The following LRRC37A2 variants were observed in gnomAD, a reference collection of about 807,000 sequenced individuals.
LRRC37A2 encodes the protein leucine-rich repeat-containing protein 37A2.
LRRC37A2 carries 9 observed loss-of-function variants against 68.8 expected under a neutral mutation model. The observed-to-expected ratio is 0.13, with a 90% confidence interval of 0.08 to 0.23. LRRC37A2 has a LOEUF of 0.23. Among genes scored for constraint, LRRC37A2 ranks in the 10% least tolerant of loss-of-function variants. The probability of loss-of-function intolerance (pLI) is 1.00; values close to 1 mark genes in which losing one functional copy is unlikely to be tolerated. For synonymous variants in LRRC37A2, 63 were observed against 367.6 expected (o/e 0.17, Z 9.48); for missense variants, 168 against 950.4 (o/e 0.18, Z 10.82).
At chr17:46,978,937 G>A in the LRRC37A2 span, 6 of 1,455,764 alleles carry the variant, frequency 4.1e-6, no homozygotes, top group Non-Finnish European at 5.4e-6. Context: ...GTTTCCCAGG[G>A]CGGCCCCGGC....
chr17:46,831,662 G>A, the LRRC37A2 span: 1 of 152,248 alleles, frequency 6.6e-6, no homozygotes, highest in East Asian at 1.9e-4. Flanking sequence ...AAGGTGCGTG[G>A]GCCTCAGGGA....
the LRRC37A2 span, among the ~76,000 whole-genome samples, chr17:46,823,042 AT>A: frequency 7.0e-6 from 1 of 141,914 alleles, no homozygotes; most frequent in African/African-American, 2.6e-5. Flanking sequence ...ATAAATATGT[AT>A]TTATAATAAA....
the LRRC37A2 span, among the ~76,000 whole-genome samples, chr17:46,649,493 A>C: frequency 6.6e-6 from 1 of 151,970 alleles, no homozygotes; most frequent in Non-Finnish European, 1.5e-5. Flanking sequence ...TTCAAAAACC[A>C]TTCTCTTGAG....
At chr17:46,502,630 A>G in the LRRC37A2 span, among the ~76,000 whole-genome samples, 2 of 151,448 alleles carry the variant, frequency 1.3e-5, no homozygotes, top group African/African-American at 4.9e-5. Context: ...TTTAGCACAT[A>G]CACCTAGTTG....
chr17:46,730,061 TTAAG>T, the LRRC37A2 span, among the ~76,000 whole-genome samples: 2 of 152,106 alleles, frequency 1.3e-5, no homozygotes, highest in African/African-American at 4.8e-5. Context: ...CAATATTTTC[TTAAG>T]TAAGTAAACG....
chr17:46,873,798 T>C, the LRRC37A2 span, among the ~76,000 whole-genome samples: 1 of 150,932 alleles, frequency 6.6e-6, no homozygotes, highest in Non-Finnish European at 1.5e-5. Context: ...GTAACCAGCG[T>C]GGTCAAAATG....
the LRRC37A2 span, among the ~76,000 whole-genome samples, chr17:46,725,177 A>G: frequency 6.6e-6 from 1 of 152,344 alleles, no homozygotes; most frequent in East Asian, 1.9e-4. Context: ...CAAGTGATTT[A>G]TGGCAAGATG....
chr17:46,725,877 G>A, the LRRC37A2 span, among the ~76,000 whole-genome samples: 1 of 152,146 alleles, frequency 6.6e-6, no homozygotes, highest in African/African-American at 2.4e-5. Context: ...AAGGCCTTGA[G>A]TACTTCTATT....
chr17:46,934,035 G>A, the LRRC37A2 span, among the ~76,000 whole-genome samples: 4 of 152,226 alleles, frequency 2.6e-5, 1 homozygote. Context: ...CACAGCTGGC[G>A]AGGACTTGGC....
At chr17:46,749,678 A>C in the LRRC37A2 span, 2,007 of 1,187,178 alleles carry the variant, frequency 1.7e-3, 21 homozygotes, top group African/African-American at 0.022. Context: ...CGGCAAGATT[A>C]AATAAAAGTC....
chr17:46,934,911 ATTCT>A, the LRRC37A2 span: 1 of 901,912 alleles, frequency 1.1e-6, no homozygotes, highest in Non-Finnish European at 1.9e-6. Flanking sequence ...GGGTCCGCTG[ATTCT>A]TTCACCAGCC....
chr17:46,815,367 G>T, the LRRC37A2 span, among the ~76,000 whole-genome samples: 3 of 152,322 alleles, frequency 2.0e-5, no homozygotes, highest in Non-Finnish European at 1.5e-5. Flanking sequence ...CTTCTGTCAG[G>T]ACTGGGGTCT....
chr17:47,036,115 G>T, the LRRC37A2 span, among the ~76,000 whole-genome samples: 6 of 151,906 alleles, frequency 3.9e-5, no homozygotes, highest in African/African-American at 1.5e-4. Flanking sequence ...TGTGAGTTCT[G>T]TGACTTTCTT....
chr17:46,995,176 AG>A, the LRRC37A2 span, among the ~76,000 whole-genome samples: 1 of 152,158 alleles, frequency 6.6e-6, no homozygotes, highest in African/African-American at 2.4e-5. Flanking sequence ...TCAGACAGCC[AG>A]GCTAAGCTGG....
the LRRC37A2 span, among the ~76,000 whole-genome samples, chr17:46,861,916 C>T: frequency 3.3e-5 from 5 of 152,258 alleles, no homozygotes; most frequent in African/African-American, 9.6e-5. Flanking sequence ...GTAATCCCAG[C>T]ACTTTGGGAG....
the LRRC37A2 span, among the ~76,000 whole-genome samples, chr17:46,918,666 A>G: frequency 6.6e-6 from 1 of 151,688 alleles, no homozygotes; most frequent in African/African-American, 2.4e-5. Context: ...ACTACTCACC[A>G]ATGAAGTACT....
chr17:47,014,406 AAAG>A, the LRRC37A2 span, among the ~76,000 whole-genome samples: 1 of 152,024 alleles, frequency 6.6e-6, no homozygotes, highest in African/African-American at 2.4e-5. Flanking sequence ...AAAAAAAAAA[AAAG>A]AAAAAAGAAA....
the LRRC37A2 span, among the ~76,000 whole-genome samples, chr17:46,801,996 TTAAACA>T: frequency 3.5e-4 from 53 of 152,346 alleles, no homozygotes; most frequent in African/African-American, 1.2e-3. Flanking sequence ...TCACAAACTG[TTAAACA>T]TAAGATATTC....
the LRRC37A2 span, among the ~76,000 whole-genome samples, chr17:46,900,571 T>C: frequency 1.3e-5 from 2 of 152,160 alleles, no homozygotes; most frequent in African/African-American, 4.8e-5. Context: ...TTGAGCCCCC[T>C]GGAAGTACAA....
Sources: allele counts gnomAD v4.1 joint callset (sites outside exome capture counted in the v4.1 genomes callset), GRCh38; gene constraint gnomAD v4.1.1; transcripts MANE v1.5; gene names NCBI Gene and HGNC (gene_info 2026-07-23, HGNC 2026-07-21).